Variants in SCARA3 observed in about 807,000 individuals in gnomAD.
SCARA3 encodes the protein scavenger receptor class A member 3, also known as cellular stress response gene protein.
A neutral mutation model predicts 47.0 loss-of-function variants in SCARA3; 39 were observed. The observed-to-expected ratio is 0.83, with a 90% CI of 0.64 to 1.08. The LOEUF (loss-of-function observed/expected upper bound fraction) is 1.08, where lower values mean the gene tolerates loss of function less well. Ranked by LOEUF, SCARA3 falls within the 50% of genes least tolerant of loss-of-function variation. The pLI is 0.00. For synonymous variants in SCARA3, 356 were observed against 334.1 expected (o/e 1.07, Z -0.71); for missense variants, 724 against 792.3 (o/e 0.91, Z 1.04).
chr8:27,643,633 G>A (rs989199050), intron 1 of SCARA3, among the ~76,000 whole-genome samples: 6 of 152,106 alleles, frequency 3.9e-5, no homozygotes, highest in African/African-American at 1.2e-4. Context: ...TAAACTAATA[G>A]CTATTCTGCA....
chr8:27,662,412 G>A (rs1801929740), intron 5 of SCARA3, among the ~76,000 whole-genome samples: 1 of 152,214 alleles, frequency 6.6e-6, no homozygotes, highest in Non-Finnish European at 1.5e-5. Flanking sequence ...TGGGAACATG[G>A]TAAGACCAGT....
At chr8:27,700,841 T>A in the SCARA3 span, among the ~76,000 whole-genome samples, 1 of 151,962 alleles carries the variant, frequency 6.6e-6, no homozygotes, top group Non-Finnish European at 1.5e-5. Flanking sequence ...GGTGAAACTG[T>A]GAAGTGGTAC....
chr8:27,660,699 ATAGATAGATAGATAG>A (rs1563410290), intron 5 of SCARA3, among the ~76,000 whole-genome samples: 8 of 148,088 alleles, frequency 5.4e-5, no homozygotes, highest in Non-Finnish European at 1.1e-4. Flanking sequence ...TAGATGATAG[ATAGATAGATAGATAG>A]ATAGATAGAT....
chr8:27,704,066 G>C, the SCARA3 span, among the ~76,000 whole-genome samples: 4 of 151,798 alleles, frequency 2.6e-5, no homozygotes, highest in Non-Finnish European at 5.9e-5. Flanking sequence ...AGGGAGAAAG[G>C]GGAAAGAGGA....
intron 1 of SCARA3, among the ~76,000 whole-genome samples, chr8:27,648,750 G>A (rs1184346764): frequency 6.6e-6 from 1 of 151,694 alleles, no homozygotes; most frequent in Non-Finnish European, 1.5e-5. Context: ...AAGAAAGCAG[G>A]GAATCCTTAA....
chr8:27,704,540 A>G, the SCARA3 span, among the ~76,000 whole-genome samples: 5 of 152,294 alleles, frequency 3.3e-5, no homozygotes, highest in East Asian at 9.6e-4. Context: ...CCTCGCAAAG[A>G]CAAAATAAAT....
At chr8:27,715,541 G>T in the SCARA3 span, among the ~76,000 whole-genome samples, 1,371 of 150,988 alleles carry the variant, frequency 9.1e-3, 21 homozygotes, top group African/African-American at 0.032. The surrounding 1 kb of genome is among the most constrained non-coding windows in gnomAD (Gnocchi z 4.2). Context: ...CTCAGGCTCT[G>T]ACACCCATGC....
chr8:27,700,592 G>A, the SCARA3 span, among the ~76,000 whole-genome samples: 1 of 134,732 alleles, frequency 7.4e-6, no homozygotes, highest in Admixed American at 8.2e-5. Context: ...AAGCAACAGA[G>A]CAAAACTCTA....
chr8:27,671,831 A>G lies in SCARA3; in HGVS notation c.*480A>G. 1 of 985,800 alleles carries G rather than the reference A, an allele frequency of 1.0e-6. No individual in the cohort carries two copies. The highest frequency in any genetic ancestry group is 1.7e-5 in the African/African-American group (1 of 57,344). The allele number at this position is 985,800 out of a possible 1,614,324, so 61.1% of individuals were successfully genotyped here. A position where few individuals can be genotyped will look rare whatever the true frequency, so the allele number is the denominator to read the frequency against. ...AACACATATATACACATGCACATAC[A>G]CAGATTTTTCTGCTGGCCAGGTGGG... is the stretch of plus-strand genomic sequence containing the variant. On this transcript the variant is annotated 3_prime_UTR_variant, in exon 6 of 6. Coordinates refer to ENST00000301904, the MANE Select transcript of SCARA3 (RefSeq NM_016240.3).
chr8:27,700,380 G>A, the SCARA3 span, among the ~76,000 whole-genome samples: 2 of 152,148 alleles, frequency 1.3e-5, no homozygotes, highest in African/African-American at 4.8e-5. Flanking sequence ...GCCGAGATGG[G>A]CAAATCACTG....
chr8:27,719,632 A>C, the SCARA3 span, among the ~76,000 whole-genome samples: 2 of 152,312 alleles, frequency 1.3e-5, no homozygotes, highest in East Asian at 3.9e-4. Flanking sequence ...TCATCCATTC[A>C]ATTCTAACAA....
At position 27,671,724 on chromosome 8, in the gene SCARA3, G is replaced by A. The variant is rs1385405565; in HGVS notation, c.*373G>A. The A allele has an allele frequency of 2.9e-6, 3 of 1,039,572 alleles. No homozygotes were observed. The highest frequency in any genetic ancestry group is 1.7e-5 in the African/African-American group (1 of 58,858). The allele number at this position is 1,039,572 out of a possible 1,614,324, so 64.4% of individuals were successfully genotyped here. ...CACACATGCATGCACACATACACAT[G>A]CACACACACATGCACACATATATGC... is the stretch of plus-strand genomic sequence containing the variant. On this transcript the variant is annotated 3_prime_UTR_variant, in exon 6 of 6. Coordinates refer to ENST00000301904, the MANE Select transcript of SCARA3 (RefSeq NM_016240.3).
chr8:27,648,521 G>A (rs527797953), intron 1 of SCARA3, among the ~76,000 whole-genome samples: 6 of 152,096 alleles, frequency 3.9e-5, no homozygotes, highest in Admixed American at 1.3e-4. Flanking sequence ...GGAGAATGGC[G>A]TGAACCCAGG....
At position 27,671,746 on chromosome 8, in the gene SCARA3, A is replaced by G; in HGVS notation, c.*395A>G. The stretch of plus-strand genomic sequence containing the variant: ...CATGCACACACACATGCACACATAT[A>G]TGCACAGGCACACACATGTACGCAC... On this transcript the variant is annotated 3_prime_UTR_variant, in exon 6 of 6. Transcript: ENST00000301904. The G allele has an allele frequency of 9.8e-7, 1 of 1,015,908 alleles. No individual in the cohort carries two copies. The highest frequency in any genetic ancestry group is 4.8e-4 in the Middle Eastern group (1 of 2,086). 62.9% of individuals were successfully genotyped at this position (1,015,908 alleles called of 1,614,324 possible). A position where few individuals can be genotyped will look rare whatever the true frequency, so the allele number is the denominator to read the frequency against.
At chr8:27,720,718 A>G in the SCARA3 span, among the ~76,000 whole-genome samples, 93 of 151,812 alleles carry the variant, frequency 6.1e-4, 1 homozygote, top group African/African-American at 2.2e-3. Context: ...GCATCCATCC[A>G]TCCATTCACC....
the SCARA3 span, among the ~76,000 whole-genome samples, chr8:27,705,719 A>G: frequency 5.3e-4 from 80 of 152,352 alleles, no homozygotes; most frequent in South Asian, 3.3e-3. Context: ...CCCTGCTCCA[A>G]AGGAAGTTGT....
At chr8:27,646,712 G>A (rs1019446107) in intron 1 of SCARA3, among the ~76,000 whole-genome samples, 26 of 152,142 alleles carry the variant, frequency 1.7e-4, no homozygotes, top group Non-Finnish European at 8.8e-5. Context: ...CTAGGGTGAG[G>A]TTTTGGTCAG....
chr8:27,660,842 C>CTAGCTAGCTAGATAGA (rs1318777226), intron 5 of SCARA3, among the ~76,000 whole-genome samples: 4 of 113,876 alleles, frequency 3.5e-5, no homozygotes, highest in African/African-American at 9.3e-5. Context: ...AGCTAGCTAG[C>CTAGCTAGCTAGATAGA]TAGATAGATA....
chr8:27,716,039 C>A, the SCARA3 span, among the ~76,000 whole-genome samples: 1 of 152,276 alleles, frequency 6.6e-6, no homozygotes, highest in South Asian at 2.1e-4. Context: ...GGTGCAGTGG[C>A]TCATGCCTGT....
Sources: gnomAD v4.1 joint callset for allele counts (sites outside exome capture counted in the v4.1 genomes callset) on GRCh38, gnomAD v4.1.1 for gene constraint, Gnocchi (gnomAD v3.1) non-coding constraint, MANE v1.5 for transcripts, NCBI Gene and HGNC (gene_info 2026-07-23, HGNC 2026-07-21) for gene names.